The following SLIT2 variants were observed in gnomAD, a reference collection of about 807,000 sequenced individuals.
SLIT2 encodes the protein slit guidance ligand 2.
In SLIT2, 41 loss-of-function variants were observed where a neutral mutation model predicts 185.7. That is an observed-to-expected ratio of 0.22 (90% confidence interval 0.17 to 0.29). The LOEUF (loss-of-function observed/expected upper bound fraction) is 0.29. Among genes scored for constraint, SLIT2 ranks in the 10% least tolerant of loss-of-function variants. The probability of loss-of-function intolerance (pLI) is 1.00; values close to 1 mark genes in which losing one functional copy is unlikely to be tolerated. For missense variants in SLIT2, 1,571 were observed against 1,909.0 expected, an observed-to-expected ratio of 0.82 and a Z score of 3.30; for synonymous variants, 693 against 680.2, an observed-to-expected ratio of 1.02 and a Z score of -0.29.
chr4:20,490,466 T>C (rs1202108389), intron 8 of SLIT2, among the ~76,000 whole-genome samples: 1 of 152,134 alleles, frequency 6.6e-6, no homozygotes, highest in Non-Finnish European at 1.5e-5. Context: ...TATATATATA[T>C]ATGTATGGTT....
At chr4:20,261,804 A>G (rs1033865449) in intron 3 of SLIT2, among the ~76,000 whole-genome samples, 4 of 151,840 alleles carry the variant, frequency 2.6e-5, no homozygotes, top group Admixed American at 2.0e-4. Flanking sequence ...CTTTGTGTGA[A>G]CACCGCAACC....
intron 4 of SLIT2, among the ~76,000 whole-genome samples, chr4:20,461,508 C>T (rs1713708504): frequency 6.6e-6 from 1 of 152,130 alleles, no homozygotes; most frequent in Non-Finnish European, 1.5e-5. Flanking sequence ...CTGTAGTTTT[C>T]ATGAGAAATG....
chr4:20,427,670 CTTTTTT>C (rs909558402), intron 4 of SLIT2, among the ~76,000 whole-genome samples: 3 of 126,734 alleles, frequency 2.4e-5, no homozygotes, highest in African/African-American at 8.4e-5. Flanking sequence ...AATTTGCATT[CTTTTTT>C]TTTTTTTTTT....
At chr4:20,555,962 C>T (rs755503345) in intron 26 of SLIT2, among the ~76,000 whole-genome samples, 6 of 151,978 alleles carry the variant, frequency 3.9e-5, no homozygotes, top group Admixed American at 2.6e-4. Flanking sequence ...TTTAAAATTT[C>T]CTGCCACCAA....
At chr4:20,564,878 G>A (rs1486744591) in intron 26 of SLIT2, among the ~76,000 whole-genome samples, 1 of 151,538 alleles carries the variant, frequency 6.6e-6, no homozygotes, top group Non-Finnish European at 1.5e-5. Flanking sequence ...AATTATCGCT[G>A]TGGAAAACCA....
At chr4:20,293,676 A>T (rs755170209) in intron 4 of SLIT2, among the ~76,000 whole-genome samples, 12 of 152,230 alleles carry the variant, frequency 7.9e-5, no homozygotes, top group Middle Eastern at 6.3e-3. Context: ...AGAGGCATAG[A>T]TGTATTAATG....
intron 4 of SLIT2, among the ~76,000 whole-genome samples, chr4:20,290,229 T>C (rs1488693893): frequency 2.0e-5 from 3 of 152,216 alleles, no homozygotes; most frequent in Admixed American, 6.5e-5. Flanking sequence ...TCAGGATTCT[T>C]TCCTCAACTG....
chr4:20,311,678 A>G, intron 4 of SLIT2, among the ~76,000 whole-genome samples: 1 of 152,218 alleles, frequency 6.6e-6, no homozygotes, highest in East Asian at 1.9e-4. Flanking sequence ...GTGTGTAACT[A>G]TTCTAATTGA....
At chr4:20,525,679 C>T (rs536684563) in intron 15 of SLIT2, among the ~76,000 whole-genome samples, 9 of 152,070 alleles carry the variant, frequency 5.9e-5, no homozygotes, top group South Asian at 4.1e-4. Flanking sequence ...TTTACTTTTG[C>T]TTCACTGTTT....
intron 32 of SLIT2, among the ~76,000 whole-genome samples, chr4:20,597,613 C>T (rs73093156): frequency 0.016 from 2,448 of 152,184 alleles, 56 homozygotes; most frequent in African/African-American, 0.056. Flanking sequence ...ATGACTTTAG[C>T]CAGTTTCATG....
At chr4:20,346,429 C>T (rs1044732221) in intron 4 of SLIT2, among the ~76,000 whole-genome samples, 12 of 152,172 alleles carry the variant, frequency 7.9e-5, no homozygotes, top group East Asian at 1.9e-4. Context: ...GGCAAAATAA[C>T]ACCTGGTTAT....
Position 20,368,634 on chromosome 4 carries a change from T to G in SLIT2, c.396-99118T>G, listed in dbSNP as rs376696729. Among the ~76,000 whole-genome samples, 8 of 152,128 alleles carry G rather than the reference T, an allele frequency of 5.3e-5. No homozygotes were observed. In the South Asian group the frequency reaches 1.7e-3, roughly 32 times the overall value. On this transcript the variant is annotated intron_variant, in intron 4 of 36. Coordinates refer to ENST00000504154, the MANE Select transcript of SLIT2 (RefSeq NM_004787.4). ...TGTGCAGGAATCTGAAAAAATTTCA[T>G]TCTAAGTAATTCTTATAATTTGGAC... is the stretch of plus-strand genomic sequence containing the variant.
intron 3 of SLIT2, among the ~76,000 whole-genome samples, chr4:20,266,288 TACTC>T (rs1713030040): frequency 6.6e-6 from 1 of 151,958 alleles, no homozygotes; most frequent in Non-Finnish European, 1.5e-5. Context: ...TAGCAGCTGT[TACTC>T]ACTTATATCT....
chr4:20,302,061 A>G, intron 4 of SLIT2, among the ~76,000 whole-genome samples: 1 of 152,222 alleles, frequency 6.6e-6, no homozygotes, highest in East Asian at 1.9e-4. Flanking sequence ...AAGAGTATGT[A>G]TCTAATAAGT....
intron 5 of SLIT2, among the ~76,000 whole-genome samples, chr4:20,477,013 G>T (rs1019143108): frequency 1.3e-5 from 2 of 151,868 alleles, no homozygotes; most frequent in African/African-American, 4.8e-5. Flanking sequence ...CTTTTTGCAC[G>T]TGAGGCATAC....
rs981382671 is a variant in SLIT2, at chr4:20,498,971, T to G, written c.914+7072T>G. ...GGTCAAATAATAGTTTTATTTTTTGTTCTTTGAGAAATCTCTGTACTGTCT... is the reference window on the plus strand; with the variant it reads ...GGTCAAATAATAGTTTTATTTTTTGGTCTTTGAGAAATCTCTGTACTGTCT... On this transcript the variant is annotated intron_variant, in intron 9 of 36. Transcript: ENST00000504154. 5.3e-5 allele frequency among the ~76,000 whole-genome samples: 8 copies of G among 152,210 alleles called. 1 individual carries two copies. In the East Asian group the frequency reaches 1.5e-3, roughly 29 times the overall value.
intron 4 of SLIT2, among the ~76,000 whole-genome samples, chr4:20,431,774 T>G (rs1729000836): frequency 6.6e-6 from 1 of 152,196 alleles, no homozygotes; most frequent in Non-Finnish European, 1.5e-5. Flanking sequence ...ATTTGACTTC[T>G]TGGAATAGCG....
chr4:20,340,363 A>C (rs953163885), intron 4 of SLIT2, among the ~76,000 whole-genome samples: 2 of 152,192 alleles, frequency 1.3e-5, no homozygotes, highest in African/African-American at 2.4e-5. Flanking sequence ...AAATCCCTGG[A>C]CATATTAATT....
intron 4 of SLIT2, chr4:20,393,683 C>G (rs1725636923): frequency 6.6e-6 from 1 of 152,056 alleles, no homozygotes; most frequent in African/African-American, 2.4e-5. Context: ...TTTCCAGACA[C>G]TATAATTCAG....
Sources: gnomAD v4.1 joint callset for allele counts (sites outside exome capture counted in the v4.1 genomes callset) on GRCh38, gnomAD v4.1.1 for gene constraint, MANE v1.5 for transcripts, NCBI Gene and HGNC (gene_info 2026-07-23, HGNC 2026-07-21) for gene names.